The following AOAH variants were observed in gnomAD, a reference collection of about 807,000 sequenced individuals.
The protein encoded by AOAH is acyloxyacyl hydrolase, also known as acyloxyacyl hydrolase (neutrophil).
In AOAH, 64 loss-of-function variants were observed where a neutral mutation model predicts 92.2. The ratio of observed to expected loss-of-function variants is 0.69; its 90% CI spans 0.57 to 0.86. The LOEUF (loss-of-function observed/expected upper bound fraction) is 0.86, where lower values mean the gene tolerates loss of function less well. Ranked by LOEUF, AOAH falls within the 40% of genes least tolerant of loss-of-function variation. The pLI is 0.00. For synonymous variants in AOAH, 263 were observed against 254.5 expected, an observed-to-expected ratio of 1.03 and a Z score of -0.32; for missense variants, 656 against 694.6, an observed-to-expected ratio of 0.94 and a Z score of 0.62.
At chr7:36,694,396 G>A (rs527487880) in intron 1 of AOAH, among the ~76,000 whole-genome samples, 2 of 152,258 alleles carry the variant, frequency 1.3e-5, no homozygotes, top group Non-Finnish European at 2.9e-5. Context: ...TACTTGGGAG[G>A]CTGAGGCAGA....
chr7:36,675,627 G>A (rs1796205240), intron 2 of AOAH, among the ~76,000 whole-genome samples: 1 of 152,156 alleles, frequency 6.6e-6, no homozygotes, highest in South Asian at 2.1e-4. Flanking sequence ...TGGAAGCAGA[G>A]TGACCATTTC....
intron 12 of AOAH, among the ~76,000 whole-genome samples, chr7:36,588,611 A>C (rs1275112163): frequency 1.3e-5 from 2 of 152,226 alleles, no homozygotes; most frequent in African/African-American, 4.8e-5. Context: ...TTAGGTTAGC[A>C]AATTTTAGCT....
At chr7:36,515,189 C>A in intron 20 of AOAH, among the ~76,000 whole-genome samples, 1 of 138,420 alleles carries the variant, frequency 7.2e-6, no homozygotes. Flanking sequence ...CACATACCCC[C>A]CACACACCAC....
At chr7:36,701,392 T>G (rs928474424) in intron 1 of AOAH, among the ~76,000 whole-genome samples, 2 of 151,616 alleles carry the variant, frequency 1.3e-5, no homozygotes, top group African/African-American at 4.8e-5. Flanking sequence ...TCAACTCTAC[T>G]GTTGCATTGC....
In AOAH at chr7:36,632,112, G is replaced by GA; in HGVS notation, c.451-7dup. 3.1e-6 allele frequency: 5 copies of GA among 1,595,720 alleles called. No individual in the cohort carries two copies. Among genetic ancestry groups the GA allele is most frequent in the Admixed American group, 1.8e-5 (1 of 57,132 alleles). On this transcript the variant is annotated splice_polypyrimidine_tract_variant and splice_region_variant and intron_variant, in intron 5 of 20. Coordinates refer to ENST00000617537, the MANE Select transcript of AOAH (RefSeq NM_001637.4). Reference sequence around the variant, plus strand: ...GAACCACTTCTAGAATATTTCTGGGGAGAAAAAAAAAAACAAAAAGAGAGT... The same window carrying GA: ...GAACCACTTCTAGAATATTTCTGGGGAAGAAAAAAAAAAACAAAAAGAGAGT...
intron 3 of AOAH, among the ~76,000 whole-genome samples, chr7:36,661,558 C>T (rs895112197): frequency 6.6e-6 from 1 of 152,160 alleles, no homozygotes; most frequent in African/African-American, 2.4e-5. Context: ...AAATCCACTC[C>T]AACCTCTCCC....
intron 20 of AOAH, among the ~76,000 whole-genome samples, chr7:36,518,563 G>A (rs1024369520): frequency 2.6e-5 from 4 of 152,118 alleles, no homozygotes; most frequent in Non-Finnish European, 2.9e-5. Context: ...GGAGGTCATC[G>A]GCTGCCCTAC....
intron 4 of AOAH, among the ~76,000 whole-genome samples, chr7:36,656,197 G>A (rs76684802): frequency 6.6e-6 from 1 of 152,192 alleles, no homozygotes; most frequent in Non-Finnish European, 1.5e-5. Flanking sequence ...AAAGATGATT[G>A]GGGGAATTCT....
intron 1 of AOAH, among the ~76,000 whole-genome samples, chr7:36,691,393 A>G (rs778208170): frequency 2.9e-4 from 44 of 152,208 alleles, no homozygotes; most frequent in Non-Finnish European, 6.2e-4. Context: ...TTTCCCTAAG[A>G]TGCTAGTTAC....
At chr7:36,568,957 A>G (rs919015088) in intron 13 of AOAH, among the ~76,000 whole-genome samples, 5 of 152,170 alleles carry the variant, frequency 3.3e-5, no homozygotes, top group Non-Finnish European at 7.3e-5. Context: ...GTTCCAGACC[A>G]AAGGTGGTCT....
At chr7:36,612,769 GACA>G (rs1462036464) in intron 11 of AOAH, among the ~76,000 whole-genome samples, 1 of 152,072 alleles carries the variant, frequency 6.6e-6, no homozygotes, top group East Asian at 1.9e-4. Flanking sequence ...TTGTTTGTTT[GACA>G]ACGATAAATG....
At chr7:36,643,735 G>A (rs1230015392) in intron 4 of AOAH, among the ~76,000 whole-genome samples, 5 of 152,158 alleles carry the variant, frequency 3.3e-5, no homozygotes, top group Admixed American at 6.5e-5. Context: ...GAGGTGATTG[G>A]ATCATGGGGG....
In AOAH at chr7:36,594,404, G is replaced by T. The variant is rs971674437; in HGVS notation, c.873C>A (p.Ala291=). The T allele has an allele frequency of 6.2e-7, 1 of 1,613,892 alleles. No homozygotes were observed. Among genetic ancestry groups the T allele is most frequent in the East Asian group, 2.2e-5 (1 of 44,890 alleles). ...GGGGCCAGTCAAGCTCGTTGGTAAG[G>T]GCTGTTGGTAGATTGATGAAAGAGT... ...SLNSFINLPT[A]LTNELDWPQL... The change falls in exon 12 of 21, where the codon GCC becomes GCA. Residue 291 remains alanine (A), a synonymous_variant. Transcript: ENST00000617537.
chr7:36,622,563 G>GCACACAAA (rs5883566), intron 7 of AOAH, among the ~76,000 whole-genome samples: 1 of 151,178 alleles, frequency 6.6e-6, no homozygotes, highest in Admixed American at 6.6e-5. Flanking sequence ...TGAATCAAAC[G>GCACACAAA]CACACACACA....
chr7:36,667,704 T>A (rs1795632048), intron 3 of AOAH, among the ~76,000 whole-genome samples: 1 of 152,262 alleles, frequency 6.6e-6, no homozygotes, highest in Non-Finnish European at 1.5e-5. Context: ...TGCAGTTCCA[T>A]CAGTTTTTGC....
chr7:36,694,053 C>T (rs2116840183), intron 1 of AOAH, among the ~76,000 whole-genome samples: 1 of 152,262 alleles, frequency 6.6e-6, no homozygotes, highest in East Asian at 1.9e-4. Context: ...GTTCCCCTTC[C>T]ATTTTACTGG....
At chr7:36,692,649 T>C (rs1797474921) in intron 1 of AOAH, among the ~76,000 whole-genome samples, 1 of 152,178 alleles carries the variant, frequency 6.6e-6, no homozygotes, top group Non-Finnish European at 1.5e-5. Flanking sequence ...GTGACTGGTT[T>C]AGCTGATTTA....
At chr7:36,709,903 C>A (rs1798653956) in intron 1 of AOAH, among the ~76,000 whole-genome samples, 1 of 152,190 alleles carries the variant, frequency 6.6e-6, no homozygotes, top group South Asian at 2.1e-4. Context: ...AAAACTTGTT[C>A]AGTCTGCAAC....
chr7:36,515,412 A>G (rs1391628316), intron 20 of AOAH, among the ~76,000 whole-genome samples: 5 of 73,964 alleles, frequency 6.8e-5, no homozygotes, highest in South Asian at 4.8e-4. Flanking sequence ...ACACACAAAC[A>G]TCACACACAC....
Sources: gnomAD v4.1 joint callset for allele counts (sites outside exome capture counted in the v4.1 genomes callset) on GRCh38, gnomAD v4.1.1 for gene constraint, MANE v1.5 for transcripts, NCBI Gene and HGNC (gene_info 2026-07-23, HGNC 2026-07-21) for gene names.